KCNK13: variants seen among roughly 807,000 people sequenced by gnomAD.
KCNK13 encodes the protein potassium two pore domain channel subfamily K member 13.
Under a neutral mutation model 23.4 loss-of-function variants are expected in KCNK13, and 12 were observed. The observed-to-expected ratio is 0.51, with a 90% CI of 0.33 to 0.83. The LOEUF is 0.83. Ranked by LOEUF, KCNK13 falls within the 40% of genes least tolerant of loss-of-function variation. The pLI is 0.02. For synonymous variants in KCNK13, 231 were observed against 229.5 expected, an observed-to-expected ratio of 1.01 and a Z score of -0.06; for missense variants, 463 against 556.3, an observed-to-expected ratio of 0.83 and a Z score of 1.69.
In KCNK13 at chr14:90,141,794, TG is replaced by T. The variant is rs60262959; in HGVS notation, c.335-42307del. ...TGGGTTTTTGTTTTGTTTTGTTTTT[TG>T]GGGGGGGGGACGGAGCCTTGCTCTG... On this transcript the variant is annotated intron_variant, in intron 1 of 1. Coordinates refer to ENST00000282146, the MANE Select transcript of KCNK13 (RefSeq NM_022054.4). Among the ~76,000 whole-genome samples, 19 of 125,644 alleles carry T rather than the reference TG, an allele frequency of 1.5e-4. 2 individuals carry two copies. Among genetic ancestry groups the T allele is most frequent in the African/African-American group, 5.7e-4 (19 of 33,232 alleles). The allele number at this position is 125,644 out of a possible 152,430, so 82.4% of individuals were successfully genotyped here.
chr14:90,112,449 C>T (rs1207866442), intron 1 of KCNK13, among the ~76,000 whole-genome samples: 1 of 152,162 alleles, frequency 6.6e-6, no homozygotes, highest in African/African-American at 2.4e-5. Context: ...TTCAGTTCTT[C>T]CGTGGCTCAA....
intron 1 of KCNK13, among the ~76,000 whole-genome samples, chr14:90,143,710 T>G (rs1356539720): frequency 6.6e-6 from 1 of 152,140 alleles, no homozygotes; most frequent in Non-Finnish European, 1.5e-5. Flanking sequence ...TCAATGAGAC[T>G]CTGGGGCTGC....
intron 1 of KCNK13, among the ~76,000 whole-genome samples, chr14:90,094,026 G>A (rs1455310840): frequency 6.6e-6 from 1 of 152,022 alleles, no homozygotes; most frequent in Non-Finnish European, 1.5e-5. Context: ...TCTTCTGCTT[G>A]AGCTTTCACT....
At chr14:90,071,848 A>G (rs1281091697) in intron 1 of KCNK13, among the ~76,000 whole-genome samples, 1 of 151,982 alleles carries the variant, frequency 6.6e-6, no homozygotes, top group Non-Finnish European at 1.5e-5. Context: ...CAGTGAGCCG[A>G]GATCGCACCA....
intron 1 of KCNK13, among the ~76,000 whole-genome samples, chr14:90,076,090 C>T (rs1889131341): frequency 6.6e-6 from 1 of 152,206 alleles, no homozygotes; most frequent in Non-Finnish European, 1.5e-5. Context: ...AACTCTTTAG[C>T]CACTTTTATT....
At chr14:90,131,056 A>T (rs1005152958) in intron 1 of KCNK13, among the ~76,000 whole-genome samples, 29 of 152,036 alleles carry the variant, frequency 1.9e-4, no homozygotes, top group African/African-American at 7.0e-4. Context: ...TGTGCCTCGC[A>T]GGGCTGCTGA....
intron 1 of KCNK13, among the ~76,000 whole-genome samples, chr14:90,109,533 C>T (rs1348478029): frequency 1.3e-5 from 2 of 150,874 alleles, no homozygotes; most frequent in African/African-American, 2.4e-5. Context: ...CTCAGCCTCC[C>T]GAGTAGCTGG....
At chr14:90,156,305 G>C (rs1271283310) in intron 1 of KCNK13, among the ~76,000 whole-genome samples, 1 of 151,984 alleles carries the variant, frequency 6.6e-6, no homozygotes, top group Non-Finnish European at 1.5e-5. Context: ...GTGGAGAAGA[G>C]GCCCCAGGAC....
intron 1 of KCNK13, among the ~76,000 whole-genome samples, chr14:90,122,291 A>T (rs1889748218): frequency 6.6e-6 from 1 of 151,396 alleles, no homozygotes; most frequent in Non-Finnish European, 1.5e-5. Flanking sequence ...ATAACAGGGC[A>T]TGAATATTTT....
At chr14:90,164,092 G>A (rs75916306) in intron 1 of KCNK13, among the ~76,000 whole-genome samples, 7,099 of 152,220 alleles carry the variant, frequency 0.047, 219 homozygotes, top group Middle Eastern at 0.11. Context: ...TGTTCCCTTT[G>A]TGGAAAAATA....
chr14:90,170,216 A>AATAT (rs1464454556), intron 1 of KCNK13, among the ~76,000 whole-genome samples: 31 of 152,054 alleles, frequency 2.0e-4, no homozygotes, highest in African/African-American at 7.5e-4. Flanking sequence ...CAATCATTTT[A>AATAT]TTATTTATTT....
intron 1 of KCNK13, among the ~76,000 whole-genome samples, chr14:90,176,976 C>T (rs1214541262): frequency 6.6e-6 from 1 of 152,308 alleles, no homozygotes; most frequent in East Asian, 1.9e-4. Flanking sequence ...GCCAAGATCA[C>T]ACCACTGCAC....
At chr14:90,110,785 G>A (rs949104781) in intron 1 of KCNK13, among the ~76,000 whole-genome samples, 21 of 151,982 alleles carry the variant, frequency 1.4e-4, no homozygotes, top group African/African-American at 4.8e-4. Flanking sequence ...GAGGCGGGCA[G>A]ATCACCTGAG....
intron 1 of KCNK13, among the ~76,000 whole-genome samples, chr14:90,170,835 G>A (rs1253799216): frequency 1.3e-5 from 2 of 152,192 alleles, no homozygotes; most frequent in East Asian, 3.8e-4. Context: ...ATTTGTGTCT[G>A]TTGGACAGGG....
At chr14:90,128,245 G>A (rs957450367) in intron 1 of KCNK13, among the ~76,000 whole-genome samples, 8 of 152,084 alleles carry the variant, frequency 5.3e-5, no homozygotes, top group Non-Finnish European at 7.4e-5. Context: ...CTTTCATTCC[G>A]GGAAAGATTT....
At chr14:90,172,230 T>G (rs1004056685) in intron 1 of KCNK13, among the ~76,000 whole-genome samples, 16 of 151,600 alleles carry the variant, frequency 1.1e-4, no homozygotes, top group African/African-American at 3.2e-4. Context: ...GGCAGGAGAA[T>G]TGCTTGAACC....
At chr14:90,125,435 G>C (rs1044967489) in intron 1 of KCNK13, among the ~76,000 whole-genome samples, 1 of 151,912 alleles carries the variant, frequency 6.6e-6, no homozygotes, top group Admixed American at 6.6e-5. Context: ...ATGTTAGCCA[G>C]GATGGTCTCA....
chr14:90,171,763 A>G (rs1196113097), intron 1 of KCNK13, among the ~76,000 whole-genome samples: 1 of 152,242 alleles, frequency 6.6e-6, no homozygotes, highest in Non-Finnish European at 1.5e-5. Context: ...GCAATCAGAT[A>G]TGCATCTATC....
intron 1 of KCNK13, among the ~76,000 whole-genome samples, chr14:90,099,373 G>T (rs1889448674): frequency 6.6e-6 from 1 of 152,078 alleles, no homozygotes; most frequent in African/African-American, 2.4e-5. Flanking sequence ...ACCCCTTGGT[G>T]GCTTTGTCAA....
Sources: gnomAD v4.1 joint callset for allele counts (sites outside exome capture counted in the v4.1 genomes callset) on GRCh38, gnomAD v4.1.1 for gene constraint, MANE v1.5 for transcripts, NCBI Gene and HGNC (gene_info 2026-07-23, HGNC 2026-07-21) for gene names.